Variants in MAF observed in about 807,000 individuals in gnomAD.
The protein encoded by MAF is MAF bZIP transcription factor.
In MAF, 10 loss-of-function variants were observed where a neutral mutation model predicts 22.0. That is an observed-to-expected ratio of 0.45 (90% CI 0.28 to 0.77). The LOEUF is 0.77. Ranked by LOEUF, MAF falls within the 30% of genes least tolerant of loss-of-function variation. The probability of loss-of-function intolerance (pLI) is 0.12; values close to 1 mark genes in which losing one functional copy is unlikely to be tolerated. For synonymous variants in MAF, 337 were observed against 255.8 expected, an observed-to-expected ratio of 1.32 and a Z score of -3.03; for missense variants, 544 against 548.4, an observed-to-expected ratio of 0.99 and a Z score of 0.08.
the MAF span, among the ~76,000 whole-genome samples, chr16:79,227,875 A>G: frequency 1.3e-5 from 2 of 152,118 alleles, no homozygotes; most frequent in African/African-American, 4.8e-5. Context: ...GTAGACCACA[A>G]CTTCTTTCTT....
the MAF span, among the ~76,000 whole-genome samples, chr16:79,312,751 A>G: frequency 6.6e-6 from 1 of 152,190 alleles, no homozygotes; most frequent in Non-Finnish European, 1.5e-5. Flanking sequence ...TCTCCCTTGG[A>G]AGAGAACATG....
chr16:79,390,510 G>A, the MAF span, among the ~76,000 whole-genome samples: 2 of 152,130 alleles, frequency 1.3e-5, no homozygotes, highest in Non-Finnish European at 2.9e-5. Context: ...CAAGCTTTAA[G>A]CTTTTAAAAA....
chr16:79,407,077 C>T, the MAF span, among the ~76,000 whole-genome samples: 2 of 152,310 alleles, frequency 1.3e-5, no homozygotes, highest in African/African-American at 4.8e-5. Flanking sequence ...TGCTAATATG[C>T]GAGGTTGGCA....
At chr16:79,366,082 T>A in the MAF span, among the ~76,000 whole-genome samples, 10 of 152,366 alleles carry the variant, frequency 6.6e-5, no homozygotes, top group East Asian at 1.7e-3. Flanking sequence ...GTATTTTTTA[T>A]TCAGAAAAAC....
the MAF span, among the ~76,000 whole-genome samples, chr16:79,323,147 TAAAAAAAAAAAAAAAAAA>T: frequency 6.6e-3 from 131 of 19,870 alleles, no homozygotes; most frequent in East Asian, 0.024. Context: ...AGACTCCATC[TAAAAAAAAAAAAAAAAAA>T]AAAAAAAAAA....
the MAF span, among the ~76,000 whole-genome samples, chr16:79,369,679 G>C: frequency 6.6e-6 from 1 of 152,216 alleles, no homozygotes; most frequent in African/African-American, 2.4e-5. Flanking sequence ...ATTTGTATAA[G>C]GATTCACTGA....
At chr16:79,390,457 AT>A in the MAF span, among the ~76,000 whole-genome samples, 34 of 152,156 alleles carry the variant, frequency 2.2e-4, no homozygotes, top group African/African-American at 8.0e-4. Context: ...TACTTTTATG[AT>A]TTTTCGGAAC....
chr16:79,253,109 T>C, the MAF span, among the ~76,000 whole-genome samples: 28 of 152,340 alleles, frequency 1.8e-4, no homozygotes, highest in Middle Eastern at 3.4e-3. Flanking sequence ...CCGGTCCTCC[T>C]GGAAACCAGT....
the MAF span, among the ~76,000 whole-genome samples, chr16:79,497,519 T>A: frequency 6.6e-6 from 1 of 152,212 alleles, no homozygotes; most frequent in Non-Finnish European, 1.5e-5. Context: ...TATACCTAGC[T>A]CTTTTTTAAT....
the MAF span, among the ~76,000 whole-genome samples, chr16:79,352,365 T>C: frequency 6.6e-6 from 1 of 152,108 alleles, no homozygotes; most frequent in Admixed American, 6.5e-5. Flanking sequence ...TGTTGGTCCA[T>C]GGCTGGGAGT....
At chr16:79,309,907 C>T in the MAF span, among the ~76,000 whole-genome samples, 1 of 152,332 alleles carries the variant, frequency 6.6e-6, no homozygotes, top group South Asian at 2.1e-4. Context: ...GCTGCTTTAA[C>T]TCCAAGGACT....
At chr16:79,254,635 AT>A in the MAF span, among the ~76,000 whole-genome samples, 1 of 152,216 alleles carries the variant, frequency 6.6e-6, no homozygotes, top group African/African-American at 2.4e-5. Context: ...GACTGCTACT[AT>A]TGACTTTCTG....
chr16:79,574,395 C>T, the MAF span, among the ~76,000 whole-genome samples: 3 of 152,166 alleles, frequency 2.0e-5, no homozygotes, highest in African/African-American at 4.8e-5. Context: ...GGAATACCTC[C>T]ATCCTTGTGA....
At chr16:79,312,711 A>G in the MAF span, among the ~76,000 whole-genome samples, 7 of 152,236 alleles carry the variant, frequency 4.6e-5, no homozygotes, top group African/African-American at 1.7e-4. Context: ...CTACTTTCAT[A>G]TCTAATCGCA....
At chr16:79,446,568 A>G in the MAF span, among the ~76,000 whole-genome samples, 9 of 152,188 alleles carry the variant, frequency 5.9e-5, no homozygotes, top group East Asian at 3.8e-4. Context: ...CTAAAGCCCC[A>G]TTATGGGCTA....
the MAF span, among the ~76,000 whole-genome samples, chr16:79,466,536 C>T: frequency 6.6e-6 from 1 of 152,218 alleles, no homozygotes; most frequent in Non-Finnish European, 1.5e-5. Flanking sequence ...TCAAGGAGAT[C>T]CCGGAGGCAA....
the MAF span, among the ~76,000 whole-genome samples, chr16:79,222,048 G>A: frequency 1.3e-5 from 2 of 152,098 alleles, no homozygotes; most frequent in African/African-American, 4.8e-5. Context: ...TTGGGGCGAA[G>A]CTCTCTGACT....
At chr16:79,214,593 G>C in the MAF span, among the ~76,000 whole-genome samples, 2 of 151,188 alleles carry the variant, frequency 1.3e-5, no homozygotes, top group Non-Finnish European at 2.9e-5. Flanking sequence ...TTTAAGTAGA[G>C]ACGGGGTTTC....
At chr16:79,205,466 A>T in the MAF span, 1 of 152,200 alleles carries the variant, frequency 6.6e-6, no homozygotes, top group Non-Finnish European at 1.5e-5. Flanking sequence ...CTAATTTGTT[A>T]GGGAGGGCAT....
Sources: gnomAD v4.1 joint callset for allele counts (sites outside exome capture counted in the v4.1 genomes callset) on GRCh38, gnomAD v4.1.1 for gene constraint, MANE v1.5 for transcripts, NCBI Gene and HGNC (gene_info 2026-07-23, HGNC 2026-07-21) for gene names.